The following LRRTM4 variants were observed in gnomAD, a reference collection of about 807,000 sequenced individuals.
LRRTM4 encodes the protein leucine-rich repeat transmembrane neuronal protein 4.
Under a neutral mutation model 47.6 loss-of-function variants are expected in LRRTM4, and 25 were observed. That is an observed-to-expected ratio of 0.53 (90% confidence interval 0.38 to 0.73). The LOEUF (loss-of-function observed/expected upper bound fraction) is 0.73. Among genes scored for constraint, LRRTM4 ranks in the 30% least tolerant of loss-of-function variants. The pLI is 0.00. For missense variants in LRRTM4, 638 were observed against 713.4 expected, an observed-to-expected ratio of 0.89 and a Z score of 1.20; for synonymous variants, 311 against 269.5, an observed-to-expected ratio of 1.15 and a Z score of -1.51.
At chr2:77,156,935 T>A (rs943327705) in intron 3 of LRRTM4, among the ~76,000 whole-genome samples, 13 of 152,060 alleles carry the variant, frequency 8.5e-5, no homozygotes, top group African/African-American at 3.1e-4. Context: ...TTTTGCTTTT[T>A]AACATTTTTT....
intron 3 of LRRTM4, among the ~76,000 whole-genome samples, chr2:76,926,104 A>T (rs866125135): frequency 1.1e-4 from 17 of 152,218 alleles, no homozygotes; most frequent in Middle Eastern, 6.8e-3. Context: ...TTTGTTCAAA[A>T]TTCTACTTTT....
chr2:77,487,160 A>G (rs1677948869), intron 3 of LRRTM4, among the ~76,000 whole-genome samples: 1 of 152,332 alleles, frequency 6.6e-6, no homozygotes, highest in South Asian at 2.1e-4. Flanking sequence ...AATGGGAGCC[A>G]GGAACAGGAG....
intron 3 of LRRTM4, among the ~76,000 whole-genome samples, chr2:76,858,894 A>T (rs1672233211): frequency 6.6e-6 from 1 of 152,130 alleles, no homozygotes; most frequent in Non-Finnish European, 1.5e-5. Context: ...AGAACTTTGG[A>T]ACTTCAAGAC....
At chr2:76,957,922 GTA>G (rs969403404) in intron 3 of LRRTM4, among the ~76,000 whole-genome samples, 3 of 150,194 alleles carry the variant, frequency 2.0e-5, no homozygotes, top group Non-Finnish European at 3.0e-5. Context: ...TTGTGTGTGT[GTA>G]TATATATGTG....
intron 3 of LRRTM4, among the ~76,000 whole-genome samples, chr2:77,508,439 A>G (rs1290539867): frequency 6.6e-6 from 1 of 152,190 alleles, no homozygotes; most frequent in Non-Finnish European, 1.5e-5. Flanking sequence ...TCCATAGTGC[A>G]TAATCAGAAT....
chr2:77,065,430 A>G (rs1021481408), intron 3 of LRRTM4, among the ~76,000 whole-genome samples: 2 of 152,080 alleles, frequency 1.3e-5, no homozygotes, highest in Admixed American at 1.3e-4. Context: ...CTCTTTATTG[A>G]CCTTTTTTAT....
At chr2:77,338,547 T>A (rs1433863780) in intron 3 of LRRTM4, among the ~76,000 whole-genome samples, 1 of 151,860 alleles carries the variant, frequency 6.6e-6, no homozygotes, top group Non-Finnish European at 1.5e-5. Flanking sequence ...CGAGATATCA[T>A]CTCATACCAG....
chr2:77,266,363 T>A (rs1017524468), intron 3 of LRRTM4, among the ~76,000 whole-genome samples: 1 of 152,090 alleles, frequency 6.6e-6, no homozygotes, highest in Non-Finnish European at 1.5e-5. Flanking sequence ...TAAAATGAGA[T>A]AATAACTTGG....
chr2:77,166,711 T>C (rs925535475), intron 3 of LRRTM4, among the ~76,000 whole-genome samples: 7 of 152,128 alleles, frequency 4.6e-5, no homozygotes, highest in African/African-American at 2.4e-5. Flanking sequence ...GGGGAAATGA[T>C]TCCCTATTTA....
chr2:76,859,553 A>G (rs1672252780), intron 3 of LRRTM4, among the ~76,000 whole-genome samples: 1 of 152,178 alleles, frequency 6.6e-6, no homozygotes. Flanking sequence ...TAATTCCTGT[A>G]TCCCTAACCT....
intron 3 of LRRTM4, among the ~76,000 whole-genome samples, chr2:76,867,161 C>G (rs758148215): frequency 1.3e-4 from 20 of 152,094 alleles, no homozygotes; most frequent in Non-Finnish European, 2.2e-4. Context: ...GTGCAGCAAA[C>G]CACCATGACA....
intron 3 of LRRTM4, among the ~76,000 whole-genome samples, chr2:77,362,928 T>G (rs1672297285): frequency 6.6e-6 from 1 of 152,116 alleles, no homozygotes; most frequent in South Asian, 2.1e-4. Flanking sequence ...AAACATAAAT[T>G]TAATTTAATT....
At chr2:77,058,450 A>G (rs905542117) in intron 3 of LRRTM4, among the ~76,000 whole-genome samples, 3 of 152,004 alleles carry the variant, frequency 2.0e-5, no homozygotes, top group Non-Finnish European at 4.4e-5. Flanking sequence ...TTGGAATCCA[A>G]CTGTAGCCTA....
chr2:77,463,325 C>T (rs74435130), intron 3 of LRRTM4, among the ~76,000 whole-genome samples: 2,229 of 152,146 alleles, frequency 0.015, 55 homozygotes, highest in African/African-American at 0.047. Flanking sequence ...TGTTATGTGG[C>T]ACATGATTGT....
At chr2:77,245,389 AT>A (rs1213252063) in intron 3 of LRRTM4, among the ~76,000 whole-genome samples, 3 of 152,100 alleles carry the variant, frequency 2.0e-5, no homozygotes, top group South Asian at 2.1e-4. Context: ...TCTACAAAAA[AT>A]AAAAAACAAA....
At chr2:77,079,405 T>C (rs888065533) in intron 3 of LRRTM4, among the ~76,000 whole-genome samples, 5 of 152,198 alleles carry the variant, frequency 3.3e-5, no homozygotes, top group African/African-American at 1.2e-4. Context: ...GATGCTTGTA[T>C]CATACAATTG....
intron 3 of LRRTM4, among the ~76,000 whole-genome samples, chr2:77,008,586 G>T (rs897839111): frequency 3.3e-5 from 5 of 152,222 alleles, no homozygotes; most frequent in Admixed American, 2.0e-4. Context: ...TGTTGTCAAT[G>T]CAATTCCTGA....
At chr2:77,309,312 C>T (rs13422362) in intron 3 of LRRTM4, among the ~76,000 whole-genome samples, 57,677 of 151,852 alleles carry the variant, frequency 0.38, 14,519 homozygotes, top group African/African-American at 0.71. Flanking sequence ...ACTCAGGAAA[C>T]GTGAAAATAT....
At chr2:76,753,448 C>T (rs1672918675) in intron 3 of LRRTM4, among the ~76,000 whole-genome samples, 1 of 152,040 alleles carries the variant, frequency 6.6e-6, no homozygotes, top group Non-Finnish European at 1.5e-5. Flanking sequence ...ATTAACAAGC[C>T]CTTCAGTCCT....
Sources: gnomAD v4.1 joint callset for allele counts (sites outside exome capture counted in the v4.1 genomes callset) on GRCh38, gnomAD v4.1.1 for gene constraint, MANE v1.5 for transcripts, NCBI Gene and HGNC (gene_info 2026-07-23, HGNC 2026-07-21) for gene names.